The following CRISPLD2 variants were observed in gnomAD, a reference collection of about 807,000 sequenced individuals.
CRISPLD2 encodes the protein cysteine-rich secretory protein LCCL domain-containing 2.
Under a neutral mutation model 71.1 loss-of-function variants are expected in CRISPLD2, and 47 were observed. The ratio of observed to expected loss-of-function variants is 0.66; its 90% CI spans 0.52 to 0.84. CRISPLD2 has a LOEUF of 0.84. Ranked by LOEUF, CRISPLD2 falls within the 40% of genes least tolerant of loss-of-function variation. CRISPLD2 has a pLI of 0.00. For missense variants in CRISPLD2, 830 were observed against 651.1 expected, an observed-to-expected ratio of 1.27 and a Z score of -2.99; for synonymous variants, 317 against 250.1, an observed-to-expected ratio of 1.27 and a Z score of -2.52.
intron 12 of CRISPLD2, among the ~76,000 whole-genome samples, chr16:84,878,801 C>T (rs1289198757): frequency 1.3e-5 from 2 of 152,228 alleles, no homozygotes; most frequent in Non-Finnish European, 2.9e-5. Context: ...AGATGTTCCC[C>T]AGGGTTCAGA....
At chr16:84,899,317 C>T (rs1285839681) in intron 14 of CRISPLD2, among the ~76,000 whole-genome samples, 2 of 152,114 alleles carry the variant, frequency 1.3e-5, no homozygotes, top group Non-Finnish European at 2.9e-5. Context: ...ATTTATACTC[C>T]TTCAGGCATG....
At position 84,907,741 on chromosome 16, in the gene CRISPLD2, T is replaced by C. The variant is rs1363936214; in HGVS notation, c.*1099T>C. 1 of 152,252 alleles carries C rather than the reference T, an allele frequency of 6.6e-6. No homozygotes were observed. Among genetic ancestry groups the C allele is most frequent in the Non-Finnish European group, 1.5e-5 (1 of 68,070 alleles). The allele number at this position is 152,252 out of a possible 1,614,324, so 9.4% of individuals were successfully genotyped here. ...TCCTCACCGAGGTTAGCAGCTCAGT[T>C]TGTGGTTATGAAACCGTCTGTGGCC... On this transcript the variant is annotated 3_prime_UTR_variant, in exon 15 of 15. Transcript: ENST00000262424.
chr16:84,903,966 G>T (rs1455913318), intron 14 of CRISPLD2, among the ~76,000 whole-genome samples: 1 of 152,214 alleles, frequency 6.6e-6, no homozygotes, highest in African/African-American at 2.4e-5. Context: ...CGGCTTTCTT[G>T]ATTTGAAGCA....
chr16:84,836,862 C>T (rs942272957), intron 1 of CRISPLD2, among the ~76,000 whole-genome samples: 3 of 152,172 alleles, frequency 2.0e-5, no homozygotes, highest in African/African-American at 4.8e-5. Flanking sequence ...GGAGTTCCGA[C>T]GGGTCAGCCT....
chr16:84,865,583 G>C (rs910359298), intron 6 of CRISPLD2, among the ~76,000 whole-genome samples: 2 of 152,220 alleles, frequency 1.3e-5, no homozygotes, highest in Non-Finnish European at 2.9e-5. Flanking sequence ...GAGGCCACAG[G>C]TTTCCAACTC....
At chr16:84,879,488 G>C (rs989447654) in intron 12 of CRISPLD2, among the ~76,000 whole-genome samples, 1 of 151,702 alleles carries the variant, frequency 6.6e-6, no homozygotes, top group Non-Finnish European at 1.5e-5. Context: ...TCAGCGTCCC[G>C]CGTAGCTGGG....
chr16:84,889,238 C>T lies in CRISPLD2; in HGVS notation c.1314C>T (p.Ser438=), dbSNP rs539709044. 1.8e-5 allele frequency: 29 copies of T among 1,614,112 alleles called. 1 individual carries two copies. The highest frequency in any genetic ancestry group is 2.5e-5 in the Non-Finnish European group (29 of 1,180,000). ...FGTNIYADTS[S]ICKTAVHAGV... ...CCTTCCTGTGCTTCCAGACCTCAAG[C>T]ATCTGCAAGACAGCCGTGCACGCGG... Residue 438 remains serine (S), a synonymous_variant, in exon 14 of 15, where the codon AGC becomes AGT. Transcript: ENST00000262424.
At chr16:84,879,032 C>T (rs990375259) in intron 12 of CRISPLD2, among the ~76,000 whole-genome samples, 3 of 152,222 alleles carry the variant, frequency 2.0e-5, no homozygotes, top group Non-Finnish European at 2.9e-5. Context: ...TAGGTGGTGA[C>T]CCCAAGGTTC....
In CRISPLD2 at chr16:84,904,951, T is replaced by G. The variant is rs188530118; in HGVS notation, c.1440-1637T>G. Among the ~76,000 whole-genome samples, 33 of 152,260 alleles carry G rather than the reference T, an allele frequency of 2.2e-4. No homozygotes were observed. The East Asian group carries it at 2.9e-3, about 13-fold the overall frequency. The stretch of plus-strand genomic sequence containing the variant: ...TATAAATGAAAACAAATTGATAAAT[T>G]GTATTCTATCAAAGTTTAAAACTTT... On this transcript the variant is annotated intron_variant, in intron 14 of 14. Transcript: ENST00000262424.
chr16:84,887,074 G>T (rs2071619882), intron 13 of CRISPLD2, among the ~76,000 whole-genome samples: 1 of 152,160 alleles, frequency 6.6e-6, no homozygotes, highest in Non-Finnish European at 1.5e-5. Flanking sequence ...TCTCCACCAT[G>T]TCTTGCTCTC....
intron 14 of CRISPLD2, among the ~76,000 whole-genome samples, chr16:84,893,816 A>G (rs1273039139): frequency 2.6e-5 from 4 of 152,184 alleles, no homozygotes; most frequent in Non-Finnish European, 5.9e-5. Flanking sequence ...AGGCTGGGAA[A>G]TTTCCCAGGA....
At chr16:84,830,324 CAAAT>C (rs996762556) in intron 1 of CRISPLD2, among the ~76,000 whole-genome samples, 12 of 152,130 alleles carry the variant, frequency 7.9e-5, no homozygotes, top group East Asian at 5.8e-4. Flanking sequence ...TGCCTCAAAA[CAAAT>C]AAATAAATAA....
At chr16:84,850,719 T>C in intron 5 of CRISPLD2, 36 bp downstream of exon 5, 1 of 1,549,686 alleles carries the variant, frequency 6.5e-7, no homozygotes, top group Non-Finnish European at 8.9e-7. Context: ...GGGGTGGGGG[T>C]TGGGATGTGT....
intron 14 of CRISPLD2, among the ~76,000 whole-genome samples, chr16:84,898,637 A>G (rs181980639): frequency 6.6e-5 from 10 of 152,002 alleles, no homozygotes; most frequent in African/African-American, 2.4e-4. Context: ...TGTTTCTTGC[A>G]TATGTTTTGC....
At chr16:84,825,482 G>A (rs540858216) in intron 1 of CRISPLD2, among the ~76,000 whole-genome samples, 8 of 152,154 alleles carry the variant, frequency 5.3e-5, no homozygotes, top group South Asian at 2.1e-4. Context: ...AAGGCCCAGC[G>A]CAGTGGCGTA....
intron 6 of CRISPLD2, among the ~76,000 whole-genome samples, chr16:84,864,734 G>T (rs1229251467): frequency 6.6e-6 from 1 of 152,226 alleles, no homozygotes; most frequent in African/African-American, 2.4e-5. Flanking sequence ...TGGGTGCCAG[G>T]TGTGAGGCAG....
intron 5 of CRISPLD2, among the ~76,000 whole-genome samples, chr16:84,852,180 C>G (rs1487413070): frequency 1.3e-5 from 2 of 152,222 alleles, no homozygotes; most frequent in African/African-American, 4.8e-5. Flanking sequence ...CGTCGTTTAA[C>G]CTTAATTAGT....
At chr16:84,870,420 A>C (rs935795553) in intron 8 of CRISPLD2, among the ~76,000 whole-genome samples, 1 of 151,958 alleles carries the variant, frequency 6.6e-6, no homozygotes, top group African/African-American at 2.4e-5. Context: ...CCCGGGTTTA[A>C]GTGATTCTCC....
intron 13 of CRISPLD2, among the ~76,000 whole-genome samples, chr16:84,888,755 C>G (rs2071635245): frequency 6.6e-6 from 1 of 152,226 alleles, no homozygotes; most frequent in Non-Finnish European, 1.5e-5. Flanking sequence ...TGTGCAGAGA[C>G]ATTCCCACGG....
Sources: allele counts gnomAD v4.1 joint callset (sites outside exome capture counted in the v4.1 genomes callset), GRCh38; gene constraint gnomAD v4.1.1; transcripts MANE v1.5; gene names NCBI Gene and HGNC (gene_info 2026-07-23, HGNC 2026-07-21).